The following CCT8 variants were observed in gnomAD, a reference collection of about 807,000 sequenced individuals.
The protein encoded by CCT8 is chaperonin containing TCP1 subunit 8.
In CCT8, 10 loss-of-function variants were observed where a neutral mutation model predicts 65.7. That is an observed-to-expected ratio of 0.15 (90% CI 0.09 to 0.26). CCT8 has a LOEUF of 0.26. Among genes scored for constraint, CCT8 ranks in the 10% least tolerant of loss-of-function variants. The pLI is 1.00. For missense variants in CCT8, 568 were observed against 669.1 expected, an observed-to-expected ratio of 0.85 and a Z score of 1.67; for synonymous variants, 199 against 221.8, an observed-to-expected ratio of 0.90 and a Z score of 0.92.
rs2085691169 is a variant in CCT8 at position 29,072,344 on chromosome 21, G to A, written c.60+1187C>T. 3 of 174,744 alleles carry A rather than the reference G, an allele frequency of 1.7e-5. No individual in the cohort carries two copies. The Admixed American group carries it at 1.8e-4, about 10-fold the overall frequency. 10.8% of individuals were successfully genotyped at this position (174,744 alleles called of 1,614,324 possible). On this transcript the variant is annotated intron_variant, in intron 1 of 14. Transcript: ENST00000286788. ...AATGGGACTTTTGTCTTTCACTGCA[G>A]TTCCTTCAGTACCTATTTATTGAAA...
intron 14 of CCT8, among the ~76,000 whole-genome samples, chr21:29,058,749 GC>G (rs2085531662): frequency 6.7e-6 from 1 of 149,932 alleles, no homozygotes; most frequent in Admixed American, 6.6e-5. Flanking sequence ...CTGCCACCAC[GC>G]CCAGCTAATT....
intron 1 of CCT8, chr21:29,071,837 T>C (rs2085683582): frequency 1.5e-6 from 1 of 657,008 alleles, no homozygotes. Flanking sequence ...CTCATTCCCA[T>C]ACTTAAGACC....
At chr21:29,062,798 C>G in intron 8 of CCT8, 1 of 522,240 alleles carries the variant, frequency 1.9e-6, no homozygotes. Context: ...TGGCATTGTT[C>G]TAGAATTGGG....
chr21:29,073,248 G>A, intron 1 of CCT8: 2 of 1,311,490 alleles, frequency 1.5e-6, no homozygotes, highest in Non-Finnish European at 2.0e-6. Context: ...TACGGATGGA[G>A]GCAAAACGCA....
Position 29,062,108 on chromosome 21 carries a change from A to G in CCT8, c.1212+20T>C. 6.7e-7 allele frequency: 1 copy of G among 1,495,890 alleles called. No homozygotes were observed. The highest frequency in any genetic ancestry group is 9.3e-7 in the Non-Finnish European group (1 of 1,074,226). The allele number at this position is 1,495,890 out of a possible 1,614,324, so 92.7% of individuals were successfully genotyped here. A position where few individuals can be genotyped will look rare whatever the true frequency, so the allele number is the denominator to read the frequency against. On this transcript the variant is annotated intron_variant, in intron 11 of 14. Coordinates refer to ENST00000286788, the MANE Select transcript of CCT8 (RefSeq NM_006585.4). ...ATTACTCAGACCTTACAAACTACTA[A>G]GAATATTGCTGATACTGACCCTTGT...
At chr21:29,058,142 T>A (rs1202949067) in intron 14 of CCT8, 1 of 152,112 alleles carries the variant, frequency 6.6e-6, no homozygotes, top group Non-Finnish European at 1.5e-5. Context: ...ACATTGATTT[T>A]AAAAAGTAAC....
At chr21:29,060,191 C>A (rs1363545258) in intron 14 of CCT8, 1 of 160,106 alleles carries the variant, frequency 6.2e-6, no homozygotes, top group Non-Finnish European at 1.4e-5. Context: ...AATGCCCAGT[C>A]CTCTTATCTG....
intron 1 of CCT8, among the ~76,000 whole-genome samples, chr21:29,072,713 G>A (rs1383646116): frequency 6.6e-6 from 1 of 152,154 alleles, no homozygotes; most frequent in African/African-American, 2.4e-5. Flanking sequence ...AAATCTGGAG[G>A]ACACACAGAG....
At chr21:29,057,897 C>T in intron 14 of CCT8, among the ~76,000 whole-genome samples, 1 of 151,544 alleles carries the variant, frequency 6.6e-6, no homozygotes, top group Non-Finnish European at 1.5e-5. Context: ...TGCCTACAGT[C>T]CCAGCTATTC....
chr21:29,067,227 T>TA (rs2085633963), intron 4 of CCT8, among the ~76,000 whole-genome samples, 156 bp from the exon 5 acceptor site: 1 of 152,232 alleles, frequency 6.6e-6, no homozygotes. Flanking sequence ...AATGGAGGCT[T>TA]AGATGACAGC....
chr21:29,061,528 C>G lies in CCT8; in HGVS notation c.1252G>C (p.Glu418Gln). ...TATGATGTGATCTGTTTGGCTAATT[C>G]AATTTCTGTTGCTCCACCTCCGGGT... ...LVPGGGATEI[E>Q]LAKQITSYGE... The change falls in exon 12 of 15, where the codon GAA becomes CAA. Residue 418 changes from glutamate (E) to glutamine (Q), a missense_variant. Transcript: ENST00000286788. The G allele has an allele frequency of 6.2e-6, 10 of 1,613,916 alleles. No individual in the cohort carries two copies. The highest frequency in any genetic ancestry group is 1.1e-5 in the South Asian group (1 of 91,074).
Position 29,066,700 on chromosome 21 carries a change from T to C in CCT8, c.624+16A>G, listed in dbSNP as rs2085626573. 6.4e-7 allele frequency: 1 copy of C among 1,562,600 alleles called. No individual in the cohort carries two copies. Among genetic ancestry groups the C allele is most frequent in the African/African-American group, 1.4e-5 (1 of 72,972 alleles). ...AACTGACCTAGATATGTAGCATTAA[T>C]GCATTTTCTACTTACCAGAATTTTA... On this transcript the variant is annotated intron_variant, in intron 6 of 14. Transcript: ENST00000286788.
At chr21:29,068,000 T>C (rs2085642584) in intron 3 of CCT8, among the ~76,000 whole-genome samples, 1 of 152,188 alleles carries the variant, frequency 6.6e-6, no homozygotes, top group Admixed American at 6.5e-5. Flanking sequence ...TTCACTAAAT[T>C]AAAAAACAAA....
At chr21:29,061,986 A>G (rs1228844358) in intron 11 of CCT8, 142 bp downstream of exon 11, 2 of 634,548 alleles carry the variant, frequency 3.2e-6, no homozygotes, top group Non-Finnish European at 5.6e-6. Context: ...AGTCTTAGGT[A>G]AAAACAAAAA....
chr21:29,061,071 A>G (rs1166065629), intron 13 of CCT8, among the ~76,000 whole-genome samples, 182 bp downstream of exon 13: 1 of 152,232 alleles, frequency 6.6e-6, no homozygotes, highest in African/African-American at 2.4e-5. Context: ...ACAAAAGACT[A>G]TCAATAAAAC....
intron 1 of CCT8, among the ~76,000 whole-genome samples, chr21:29,072,436 G>A (rs1389644238): frequency 6.6e-6 from 1 of 152,014 alleles, no homozygotes; most frequent in African/African-American, 2.4e-5. Flanking sequence ...TGTGATACAC[G>A]AGTTTTCCAA....
intron 14 of CCT8, chr21:29,059,876 A>G (rs755083476): frequency 1.7e-4 from 26 of 152,164 alleles, no homozygotes; most frequent in Non-Finnish European, 3.2e-4. Flanking sequence ...CTTTAATATG[A>G]CATATGACTT....
chr21:29,057,122 G>A lies in CCT8; in HGVS notation c.1570-570C>T, dbSNP rs548003980. Among the ~76,000 whole-genome samples the A allele has an allele frequency of 4.1e-5, 6 of 148,086 alleles. No individual in the cohort carries two copies. The South Asian group carries it at 6.3e-4, about 16-fold the overall frequency. ...AAGTTCCCAACTTAAAAAAAAAAGC[G>A]CCACAAACCTCACCTTACTTTATCT... On this transcript the variant is annotated intron_variant, in intron 14 of 14. Coordinates refer to ENST00000286788, the MANE Select transcript of CCT8 (RefSeq NM_006585.4).
chr21:29,067,125 G>C, intron 4 of CCT8, 54 bp from the exon 5 acceptor site: 1 of 1,341,988 alleles, frequency 7.5e-7, no homozygotes, highest in South Asian at 1.4e-5. Context: ...AGCTTATTTT[G>C]GTAACCCAAT....
Sources: gnomAD v4.1 joint callset for allele counts (sites outside exome capture counted in the v4.1 genomes callset) on GRCh38, gnomAD v4.1.1 for gene constraint, MANE v1.5 for transcripts, NCBI Gene and HGNC (gene_info 2026-07-23, HGNC 2026-07-21) for gene names.